ITGAE: variants seen among roughly 807,000 people sequenced by gnomAD.
ITGAE encodes the protein integrin alpha-E.
A neutral mutation model predicts 136.5 loss-of-function variants in ITGAE; 99 were observed. The ratio of observed to expected loss-of-function variants is 0.73; its 90% confidence interval spans 0.62 to 0.86. The LOEUF is 0.86. Ranked by LOEUF, ITGAE falls within the 40% of genes least tolerant of loss-of-function variation. ITGAE has a pLI of 0.00. For synonymous variants in ITGAE, 613 were observed against 591.8 expected, an observed-to-expected ratio of 1.04 and a Z score of -0.52; for missense variants, 1,447 against 1,515.3, an observed-to-expected ratio of 0.95 and a Z score of 0.75.
At chr17:3,796,013 CCATGTGCGCG>C in intron 1 of ITGAE, among the ~76,000 whole-genome samples, 4 of 96,042 alleles carry the variant, frequency 4.2e-5, no homozygotes, top group Admixed American at 1.2e-4. Flanking sequence ...GTGTGTGCAT[CCATGTGCGCG>C]TGTGTGCGTG....
At chr17:3,770,734 T>G (rs1440883277) in intron 2 of ITGAE, among the ~76,000 whole-genome samples, 1 of 152,178 alleles carries the variant, frequency 6.6e-6, no homozygotes, top group Non-Finnish European at 1.5e-5. Flanking sequence ...AGCCCCTCTC[T>G]GCTTCAGCAG....
At chr17:3,749,442 T>C (rs1014597476) in intron 16 of ITGAE, among the ~76,000 whole-genome samples, 2 of 152,038 alleles carry the variant, frequency 1.3e-5, no homozygotes, top group Non-Finnish European at 2.9e-5. Context: ...TTAGTAGAGA[T>C]GAGGTTTCAC....
chr17:3,792,276 C>A (rs560423287), intron 1 of ITGAE, among the ~76,000 whole-genome samples: 14 of 152,162 alleles, frequency 9.2e-5, no homozygotes, highest in Non-Finnish European at 1.6e-4. Flanking sequence ...CACGCACCAC[C>A]ACACCTGGAT....
At chr17:3,735,661 G>C (rs547244321) in intron 20 of ITGAE, among the ~76,000 whole-genome samples, 1 of 152,166 alleles carries the variant, frequency 6.6e-6, no homozygotes, top group African/African-American at 2.4e-5. Context: ...TAAGGAATAC[G>C]TTTAGCTTAG....
At chr17:3,785,895 A>C (rs2052782982) in intron 1 of ITGAE, among the ~76,000 whole-genome samples, 1 of 151,852 alleles carries the variant, frequency 6.6e-6, no homozygotes, top group Admixed American at 6.6e-5. Context: ...GGGCCAGGCG[A>C]GGTGGCTGAC....
At chr17:3,775,762 G>A (rs1007633205) in intron 2 of ITGAE, among the ~76,000 whole-genome samples, 2 of 151,918 alleles carry the variant, frequency 1.3e-5, no homozygotes, top group African/African-American at 4.8e-5. Context: ...GAGCCACTGC[G>A]CCCGGCACAC....
At chr17:3,741,722 G>C (rs2051592870) in intron 19 of ITGAE, among the ~76,000 whole-genome samples, 1 of 152,164 alleles carries the variant, frequency 6.6e-6, no homozygotes, top group Non-Finnish European at 1.5e-5. Flanking sequence ...TCCACATTAG[G>C]TGCCTCCTGA....
At chr17:3,733,097 C>A (rs945580861) in intron 21 of ITGAE, among the ~76,000 whole-genome samples, 2 of 152,116 alleles carry the variant, frequency 1.3e-5, no homozygotes, top group Middle Eastern at 3.2e-3. Flanking sequence ...AATTCTCCTG[C>A]CTCAGTCTCC....
chr17:3,779,610 T>G (rs1445926407), intron 1 of ITGAE, among the ~76,000 whole-genome samples: 3 of 152,156 alleles, frequency 2.0e-5, no homozygotes, highest in Non-Finnish European at 2.9e-5. Context: ...ATTACAGGTG[T>G]GAGCCACCAC....
chr17:3,783,204 G>A (rs1358355411), intron 1 of ITGAE, among the ~76,000 whole-genome samples: 1 of 152,104 alleles, frequency 6.6e-6, no homozygotes, highest in Admixed American at 6.6e-5. Context: ...GCGGTGGCGC[G>A]ATCTTGGCTC....
chr17:3,761,921 A>G lies in ITGAE; in HGVS notation c.309T>C (p.Gly103=). ...CTCTCGCTCCTGCACTCACCAAAAC[A>G]CCGTGGTGGCTCCGGACAACGGTCA... ...RGVTVVRSHH[G]VLICIQVLVR... Residue 103 remains glycine, a synonymous_variant, in exon 4 of 31, where the codon GGT becomes GGC. Transcript: ENST00000263087. 2 of 1,613,638 alleles carry G rather than the reference A, an allele frequency of 1.2e-6. No individual in the cohort carries two copies. The highest frequency in any genetic ancestry group is 1.7e-6 in the Non-Finnish European group (2 of 1,179,832).
At chr17:3,756,482 A>C (rs1471818208) in intron 10 of ITGAE, among the ~76,000 whole-genome samples, 2 of 148,800 alleles carry the variant, frequency 1.3e-5, no homozygotes, top group African/African-American at 5.0e-5. Context: ...GCTCACTGCA[A>C]CCTCTGCCTC....
intron 26 of ITGAE, chr17:3,725,680 C>G (rs1234595562): frequency 6.3e-7 from 1 of 1,583,140 alleles, no homozygotes; most frequent in Admixed American, 1.8e-5. Context: ...CACTATAATT[C>G]AACCAAAGGC....
intron 2 of ITGAE, among the ~76,000 whole-genome samples, chr17:3,767,655 G>T (rs896183513): frequency 1.3e-5 from 2 of 151,948 alleles, no homozygotes; most frequent in Non-Finnish European, 2.9e-5. Flanking sequence ...GTAGTGTCTT[G>T]CTCTGTTGTC....
chr17:3,728,324 T>C, intron 24 of ITGAE, 156 bp from the exon 25 acceptor site: 5 of 623,146 alleles, frequency 8.0e-6, no homozygotes, highest in Non-Finnish European at 1.4e-5. Context: ...CACCTCAGCC[T>C]GGGAAAGTGT....
rs2052172894 is a variant in ITGAE, at chr17:3,761,655, C to T, written c.316-135G>A. ...GCACAGGAAGAGCTGGCCCACCCCT[C>T]ACCGGGTGTAGGAGTCAGTGTTGGC... On this transcript the variant is annotated intron_variant, in intron 4 of 30. Transcript: ENST00000263087. 6 of 819,016 alleles carry T rather than the reference C, an allele frequency of 7.3e-6. No individual in the cohort carries two copies. The Admixed American group carries it at 7.7e-5, about 11-fold the overall frequency. The allele number at this position is 819,016 out of a possible 1,614,324, so 50.7% of individuals were successfully genotyped here.
At chr17:3,747,668 C>T (rs2051750192) in intron 17 of ITGAE, among the ~76,000 whole-genome samples, 1 of 152,038 alleles carries the variant, frequency 6.6e-6, no homozygotes. Flanking sequence ...CCCCAGTGTC[C>T]CTCTTCCCAA....
At chr17:3,777,707 G>C (rs778026359) in intron 1 of ITGAE, 47 bp from the exon 2 acceptor site, 2 of 1,561,486 alleles carry the variant, frequency 1.3e-6, no homozygotes, top group Middle Eastern at 1.7e-4. Context: ...TTTTACTCCC[G>C]TTATTCCAGC....
chr17:3,766,644 A>C (rs927522490), intron 2 of ITGAE, among the ~76,000 whole-genome samples: 1 of 152,160 alleles, frequency 6.6e-6, no homozygotes, highest in East Asian at 1.9e-4. Flanking sequence ...TCTACTAAAA[A>C]TACAAACATT....
Sources: allele counts gnomAD v4.1 joint callset (sites outside exome capture counted in the v4.1 genomes callset), GRCh38; gene constraint gnomAD v4.1.1; transcripts MANE v1.5; gene names NCBI Gene and HGNC (gene_info 2026-07-23, HGNC 2026-07-21).